Variants in MAST2 observed in about 807,000 individuals in gnomAD.
MAST2 encodes microtubule associated serine/threonine kinase 2.
MAST2 carries 70 observed loss-of-function variants against 147.4 expected under a neutral mutation model. The observed-to-expected ratio is 0.47, with a 90% CI of 0.39 to 0.58. MAST2 has a LOEUF of 0.58. MAST2 is among the 20% of genes least tolerant of loss of function. The pLI is 0.00. For synonymous variants in MAST2, 869 were observed against 896.8 expected (o/e 0.97, Z 0.55); for missense variants, 2,080 against 2,302.3 (o/e 0.90, Z 1.98).
At chr1:45,941,837 G>C (rs1657340931) in intron 4 of MAST2, among the ~76,000 whole-genome samples, 1 of 152,120 alleles carries the variant, frequency 6.6e-6, no homozygotes, top group South Asian at 2.1e-4. Flanking sequence ...CTATTGAGAT[G>C]GTTGTGTAGT....
At chr1:45,973,612 G>A (rs1281745031) in intron 5 of MAST2, among the ~76,000 whole-genome samples, 7 of 152,132 alleles carry the variant, frequency 4.6e-5, no homozygotes, top group African/African-American at 2.4e-5. Context: ...TCATCACCTA[G>A]GGAGTGAACA....
chr1:45,860,619 G>T (rs1557841315), intron 3 of MAST2, among the ~76,000 whole-genome samples: 1 of 151,994 alleles, frequency 6.6e-6, no homozygotes, highest in Non-Finnish European at 1.5e-5. Flanking sequence ...ATCACCTGAG[G>T]TCAGAAGTTT....
intron 4 of MAST2, chr1:45,913,787 A>T: frequency 8.9e-7 from 1 of 1,129,512 alleles, no homozygotes; most frequent in Non-Finnish European, 1.1e-6. Flanking sequence ...AGAACTTCCT[A>T]CCAAGACTCC....
At chr1:45,911,777 A>G (rs1270526161) in intron 4 of MAST2, among the ~76,000 whole-genome samples, 2 of 150,390 alleles carry the variant, frequency 1.3e-5, no homozygotes, top group African/African-American at 4.9e-5. Context: ...ATTAATGTGT[A>G]AAATGCTTAG....
At chr1:45,905,958 C>T (rs1650651660) in intron 4 of MAST2, among the ~76,000 whole-genome samples, 1 of 152,094 alleles carries the variant, frequency 6.6e-6, no homozygotes, top group South Asian at 2.1e-4. Context: ...CACATCAAAA[C>T]TTGTTATGAT....
At chr1:45,905,106 T>A (rs1650462018) in intron 4 of MAST2, among the ~76,000 whole-genome samples, 1 of 151,748 alleles carries the variant, frequency 6.6e-6, no homozygotes, top group African/African-American at 2.4e-5. Flanking sequence ...CCAGCGCACC[T>A]GGTCACAAAG....
At chr1:46,007,798 C>T (rs577705637) in intron 8 of MAST2, among the ~76,000 whole-genome samples, 3 of 152,314 alleles carry the variant, frequency 2.0e-5, no homozygotes, top group Non-Finnish European at 2.9e-5. Flanking sequence ...AGATGTATAA[C>T]TCACAACAGT....
At chr1:45,848,182 C>T (rs1645503173) in intron 3 of MAST2, among the ~76,000 whole-genome samples, 1 of 152,138 alleles carries the variant, frequency 6.6e-6, no homozygotes, top group African/African-American at 2.4e-5. Context: ...TAGTAGTGTA[C>T]AATAAACCAT....
Position 46,034,193 on chromosome 1 carries a change from C to T in MAST2, c.3795C>T (p.Pro1265=), listed in dbSNP as rs764627844. 6.2e-7 allele frequency: 1 copy of T among 1,614,158 alleles called. No individual in the cohort carries two copies. The highest frequency in any genetic ancestry group is 1.1e-5 in the South Asian group (1 of 91,086). Residue 1265 remains proline, a synonymous_variant, in exon 28 of 29, where the codon CCC becomes CCT. Transcript: ENST00000361297. The part of the protein sequence containing the change: ...LSSGESGPGS[P]THSHSLSPRS... Reference sequence around the variant, plus strand: ...CAGGGGAGAGTGGGCCAGGCTCTCCCACACACAGCCACAGCCTTTCCCCCC... The same window carrying T: ...CAGGGGAGAGTGGGCCAGGCTCTCCTACACACAGCCACAGCCTTTCCCCCC...
intron 4 of MAST2, among the ~76,000 whole-genome samples, chr1:45,922,767 G>C (rs1314586316): frequency 6.6e-6 from 1 of 152,122 alleles, no homozygotes; most frequent in Non-Finnish European, 1.5e-5. Flanking sequence ...AAGGGGTGGG[G>C]CTCCCACTTT....
At chr1:45,877,452 C>T (rs1379787157) in intron 3 of MAST2, among the ~76,000 whole-genome samples, 1 of 152,116 alleles carries the variant, frequency 6.6e-6, no homozygotes, top group Non-Finnish European at 1.5e-5. Context: ...ACCTAATCAC[C>T]TCCTACAGGC....
chr1:46,022,846 T>C, intron 12 of MAST2, 64 bp from the exon 13 acceptor site: 1 of 1,213,222 alleles, frequency 8.2e-7, no homozygotes, highest in East Asian at 2.3e-5. Context: ...TTGTGTGATC[T>C]GAGGATACTG....
intron 5 of MAST2, among the ~76,000 whole-genome samples, chr1:45,973,056 A>G (rs1383900528): frequency 6.6e-6 from 1 of 152,176 alleles, no homozygotes; most frequent in African/African-American, 2.4e-5. Flanking sequence ...TTTAGTACCT[A>G]TCATTGCAGC....
chr1:45,947,568 C>A (rs1249521881), intron 4 of MAST2, among the ~76,000 whole-genome samples: 1 of 152,044 alleles, frequency 6.6e-6, no homozygotes, highest in Non-Finnish European at 1.5e-5. Flanking sequence ...GAAAACAACA[C>A]CTAATCAATA....
At chr1:45,940,470 CTT>C (rs909089488) in intron 4 of MAST2, among the ~76,000 whole-genome samples, 1 of 152,064 alleles carries the variant, frequency 6.6e-6, no homozygotes, top group African/African-American at 2.4e-5. Context: ...AATACATTGA[CTT>C]TTGTCTATCT....
At chr1:45,936,817 A>T (rs898317298) in intron 4 of MAST2, among the ~76,000 whole-genome samples, 50 of 152,192 alleles carry the variant, frequency 3.3e-4, no homozygotes, top group Non-Finnish European at 5.7e-4. Flanking sequence ...TCAGGAAAGA[A>T]GGAGAGGAAG....
At chr1:45,870,731 G>C (rs1011702028) in intron 3 of MAST2, among the ~76,000 whole-genome samples, 39 of 151,436 alleles carry the variant, frequency 2.6e-4, no homozygotes, top group Admixed American at 1.1e-3. Context: ...AGACCAGCTT[G>C]GGCAACATGG....
chr1:45,909,512 G>A (rs1295686815), intron 4 of MAST2, among the ~76,000 whole-genome samples: 7 of 149,670 alleles, frequency 4.7e-5, no homozygotes, highest in East Asian at 1.9e-4. Flanking sequence ...ATTCTATATC[G>A]TCTTTTTTTT....
At chr1:45,853,978 G>A (rs1645707878) in intron 3 of MAST2, among the ~76,000 whole-genome samples, 1 of 152,080 alleles carries the variant, frequency 6.6e-6, no homozygotes, top group South Asian at 2.1e-4. Flanking sequence ...AGTTGTTCTA[G>A]TATAAGTTAT....
Sources: gnomAD v4.1 joint callset for allele counts (sites outside exome capture counted in the v4.1 genomes callset) on GRCh38, gnomAD v4.1.1 for gene constraint, MANE v1.5 for transcripts, NCBI Gene and HGNC (gene_info 2026-07-23, HGNC 2026-07-21) for gene names.